RORA: variants seen among roughly 807,000 people sequenced by gnomAD.
RORA encodes RAR related orphan receptor A.
RORA carries 7 observed loss-of-function variants against 69.5 expected under a neutral mutation model. The observed-to-expected ratio is 0.10, with a 90% CI of 0.06 to 0.19. RORA has a LOEUF of 0.19. Ranked by LOEUF, RORA falls within the 10% of genes least tolerant of loss-of-function variation. The pLI, the probability that RORA is intolerant of heterozygous loss-of-function variation, is 1.00. For missense variants in RORA, 457 were observed against 663.0 expected, an observed-to-expected ratio of 0.69 and a Z score of 3.41; for synonymous variants, 261 against 240.8, an observed-to-expected ratio of 1.08 and a Z score of -0.78.
chr15:60,811,902 C>T (rs2072749742), intron 1 of RORA, among the ~76,000 whole-genome samples: 1 of 152,202 alleles, frequency 6.6e-6, no homozygotes, highest in Non-Finnish European at 1.5e-5. Flanking sequence ...CTTTCCATCT[C>T]AGGTTATTTA....
At chr15:61,174,879 A>G (rs4775369) in intron 1 of RORA, among the ~76,000 whole-genome samples, 56,357 of 151,956 alleles carry the variant, frequency 0.37, 11,156 homozygotes, top group Non-Finnish European at 0.43. Context: ...TATTACCATC[A>G]TTTTCTACAT....
intron 1 of RORA, among the ~76,000 whole-genome samples, chr15:60,931,871 C>T (rs1207543583): frequency 1.3e-5 from 2 of 152,176 alleles, no homozygotes; most frequent in Admixed American, 1.3e-4. Context: ...TTGATTCCTT[C>T]AATATTAACA....
intron 1 of RORA, among the ~76,000 whole-genome samples, chr15:61,020,424 T>A (rs979145314): frequency 6.6e-6 from 1 of 152,218 alleles, no homozygotes; most frequent in Non-Finnish European, 1.5e-5. Flanking sequence ...TCGGAATTGC[T>A]GCTTCTTCGC....
intron 1 of RORA, chr15:60,764,776 G>A (rs928048364): frequency 2.0e-5 from 3 of 152,178 alleles, no homozygotes; most frequent in African/African-American, 7.2e-5. Context: ...CGGCTTCGAC[G>A]CCCCTGCTCA....
chr15:61,068,894 A>G (rs1468256159), intron 1 of RORA, among the ~76,000 whole-genome samples: 1 of 152,226 alleles, frequency 6.6e-6, no homozygotes, highest in Non-Finnish European at 1.5e-5. Context: ...TTAGTCTGAT[A>G]ATGGAAAACC....
intron 1 of RORA, among the ~76,000 whole-genome samples, chr15:60,833,549 T>G (rs1015269521): frequency 6.6e-6 from 1 of 152,124 alleles, no homozygotes; most frequent in Non-Finnish European, 1.5e-5. Flanking sequence ...CCTTTCTATG[T>G]CCCTTTCTCA....
intron 1 of RORA, among the ~76,000 whole-genome samples, chr15:60,821,297 T>C (rs927740171): frequency 6.6e-6 from 1 of 152,186 alleles, no homozygotes; most frequent in Non-Finnish European, 1.5e-5. Flanking sequence ...TCCCTTTCAG[T>C]GCTGACTCTT....
At chr15:61,175,593 C>CA (rs1232789422) in intron 1 of RORA, among the ~76,000 whole-genome samples, 2 of 123,648 alleles carry the variant, frequency 1.6e-5, no homozygotes, top group Non-Finnish European at 3.8e-5. Context: ...CCTGTGGTCC[C>CA]AGCTACTTGG....
chr15:61,068,005 T>A (rs991303505), intron 1 of RORA, among the ~76,000 whole-genome samples: 2 of 152,196 alleles, frequency 1.3e-5, no homozygotes, highest in African/African-American at 4.8e-5. Flanking sequence ...TCCAGCATCC[T>A]CCATGATTAT....
chr15:60,990,694 G>GCA (rs150772898), intron 1 of RORA, among the ~76,000 whole-genome samples: 164 of 151,924 alleles, frequency 1.1e-3, no homozygotes, highest in African/African-American at 3.6e-3. Context: ...CACTGTGTAT[G>GCA]CACACACACA....
At chr15:61,045,505 G>T (rs1896976331) in intron 1 of RORA, among the ~76,000 whole-genome samples, 2 of 152,194 alleles carry the variant, frequency 1.3e-5, no homozygotes, top group South Asian at 4.1e-4. Context: ...GAAGTAAAAA[G>T]GCTGAGACAA....
intron 1 of RORA, among the ~76,000 whole-genome samples, chr15:61,180,733 G>A (rs2079676606): frequency 6.6e-6 from 1 of 152,104 alleles, no homozygotes; most frequent in African/African-American, 2.4e-5. Context: ...TTGAAGGCAG[G>A]GCCTGTGGGT....
chr15:60,678,500 G>C, intron 2 of RORA, 157 bp downstream of exon 2: 1 of 641,908 alleles, frequency 1.6e-6, no homozygotes, highest in South Asian at 1.9e-5. Context: ...GTGGAGATGT[G>C]CCACTTCCGA....
intron 2 of RORA, among the ~76,000 whole-genome samples, chr15:60,647,699 G>A (rs1381033451): frequency 6.6e-6 from 1 of 152,186 alleles, no homozygotes; most frequent in Non-Finnish European, 1.5e-5. Flanking sequence ...AAAGAGAGAA[G>A]AGCCCAGCAC....
chr15:61,150,673 C>T (rs2079389514), intron 1 of RORA, among the ~76,000 whole-genome samples: 2 of 152,210 alleles, frequency 1.3e-5, no homozygotes, highest in East Asian at 1.9e-4. Context: ...AAACTCATTT[C>T]GGCTAAGTAG....
At chr15:60,875,209 C>T (rs1404774961) in intron 1 of RORA, among the ~76,000 whole-genome samples, 11 of 152,044 alleles carry the variant, frequency 7.2e-5, no homozygotes. Context: ...TAGAACAGTG[C>T]CTGGTACATA....
intron 1 of RORA, among the ~76,000 whole-genome samples, chr15:60,895,912 G>C (rs903980480): frequency 7.9e-5 from 12 of 152,166 alleles, no homozygotes; most frequent in African/African-American, 2.9e-4. Flanking sequence ...AAAATGCGTA[G>C]GTGATTCAGT....
chr15:60,927,986 C>T (rs1055954924), intron 1 of RORA, among the ~76,000 whole-genome samples: 6 of 152,132 alleles, frequency 3.9e-5, no homozygotes, highest in African/African-American at 1.2e-4. Context: ...CACAGCCATG[C>T]CCTTGTTTGG....
intron 2 of RORA, among the ~76,000 whole-genome samples, chr15:60,597,538 CACACACACACAA>C (rs1567115051): frequency 1.3e-5 from 1 of 75,014 alleles, no homozygotes; most frequent in Non-Finnish European, 2.6e-5. Flanking sequence ...CACACACACA[CACACACACACAA>C]CATATATATA....
Sources: allele counts gnomAD v4.1 joint callset (sites outside exome capture counted in the v4.1 genomes callset), GRCh38; gene constraint gnomAD v4.1.1; transcripts MANE v1.5; gene names NCBI Gene and HGNC (gene_info 2026-07-23, HGNC 2026-07-21).